The following SIL1 variants were observed in gnomAD, a reference collection of about 807,000 sequenced individuals.
SIL1 encodes the protein SIL1 nucleotide exchange factor, also known as nucleotide exchange factor SIL1.
SIL1 carries 40 observed loss-of-function variants against 49.1 expected under a neutral mutation model. That is an observed-to-expected ratio of 0.81 (90% confidence interval 0.63 to 1.06). SIL1 has a LOEUF of 1.06. Ranked by LOEUF, SIL1 falls within the 50% of genes least tolerant of loss-of-function variation. The pLI is 0.00. For missense variants in SIL1, 500 were observed against 572.6 expected (o/e 0.87, Z 1.29); for synonymous variants, 253 against 250.8 (o/e 1.01, Z -0.08).
chr5:139,119,907 G>C (rs972855008), intron 3 of SIL1, among the ~76,000 whole-genome samples: 1 of 152,236 alleles, frequency 6.6e-6, no homozygotes, highest in Non-Finnish European at 1.5e-5. Context: ...AGGTTGGCAA[G>C]GGGTGGGTGG....
chr5:139,039,414 A>G (rs1335224882), intron 5 of SIL1, among the ~76,000 whole-genome samples: 1 of 152,198 alleles, frequency 6.6e-6, no homozygotes, highest in Non-Finnish European at 1.5e-5. Context: ...CAGGTATTGT[A>G]AATAAGGTTT....
intron 7 of SIL1, among the ~76,000 whole-genome samples, chr5:139,002,377 T>A (rs746748245): frequency 3.0e-4 from 46 of 152,200 alleles, no homozygotes; most frequent in Non-Finnish European, 4.6e-4. Context: ...GTTTATTAAA[T>A]CTGGGTAGTG....
chr5:138,951,051 A>C, intron 9 of SIL1, 120 bp downstream of exon 9: 2 of 1,135,830 alleles, frequency 1.8e-6, no homozygotes, highest in Non-Finnish European at 2.6e-6. Flanking sequence ...CTGTCCATCC[A>C]TCCAGAAGCA....
At chr5:139,090,544 A>AT (rs1352900190) in intron 3 of SIL1, among the ~76,000 whole-genome samples, 2 of 152,354 alleles carry the variant, frequency 1.3e-5, no homozygotes, top group East Asian at 3.8e-4. Flanking sequence ...AGAAAAGAAC[A>AT]TTCAAAAACA....
intron 3 of SIL1, among the ~76,000 whole-genome samples, chr5:139,056,113 C>T (rs1256500047): frequency 2.8e-4 from 42 of 151,570 alleles, no homozygotes; most frequent in Middle Eastern, 6.8e-3. Flanking sequence ...AAGTGAGGAG[C>T]GTCTCTGCTT....
At chr5:138,963,619 CTTTG>C (rs1171485804) in intron 7 of SIL1, among the ~76,000 whole-genome samples, 15 of 152,332 alleles carry the variant, frequency 9.8e-5, no homozygotes, top group African/African-American at 3.6e-4. Context: ...CCAAAATATC[CTTTG>C]TTTGCTGAGG....
chr5:138,992,175 C>T lies in SIL1; in HGVS notation c.767+28996G>A, dbSNP rs577400630. On this transcript the variant is annotated intron_variant, in intron 7 of 9. Transcript: ENST00000394817. ...GAGACCTTGCCACAAATCCCACCTG[C>T]TCCCTCCCTATCATTACCTATATCC... 3.3e-5 allele frequency among the ~76,000 whole-genome samples: 5 copies of T among 152,324 alleles called. No individual in the cohort carries two copies. The South Asian group carries it at 1.0e-3, about 32-fold the overall frequency.
chr5:138,983,906 A>G (rs748902888), intron 7 of SIL1, among the ~76,000 whole-genome samples: 51 of 152,312 alleles, frequency 3.3e-4, no homozygotes, highest in Admixed American at 5.2e-4. Flanking sequence ...TACCCTGCCC[A>G]CAGCTCTGGG....
chr5:139,055,906 C>G (rs1253503993), intron 3 of SIL1, among the ~76,000 whole-genome samples: 1 of 152,036 alleles, frequency 6.6e-6, no homozygotes, highest in Non-Finnish European at 1.5e-5. Context: ...CTCCTAACCG[C>G]GAGTGATCCG....
At chr5:139,111,643 A>G (rs1770840566) in intron 3 of SIL1, among the ~76,000 whole-genome samples, 1 of 152,212 alleles carries the variant, frequency 6.6e-6, no homozygotes, top group African/African-American at 2.4e-5. Flanking sequence ...CAAATGGAAT[A>G]TGAAATGAAC....
At chr5:139,014,731 A>G (rs1023657952) in intron 7 of SIL1, among the ~76,000 whole-genome samples, 8 of 152,156 alleles carry the variant, frequency 5.3e-5, no homozygotes, top group Admixed American at 2.6e-4. Flanking sequence ...AGCTTAAGAG[A>G]GCTATGACTA....
intron 7 of SIL1, among the ~76,000 whole-genome samples, chr5:138,979,573 G>A (rs976324123): frequency 2.6e-5 from 4 of 152,028 alleles, no homozygotes; most frequent in East Asian, 1.9e-4. Flanking sequence ...GCGTGATCTC[G>A]ACTTACTGCA....
At chr5:138,975,256 A>G (rs923013351) in intron 7 of SIL1, among the ~76,000 whole-genome samples, 3 of 152,290 alleles carry the variant, frequency 2.0e-5, no homozygotes, top group African/African-American at 7.2e-5. Flanking sequence ...TGGAAGCACA[A>G]GCCACTGGCA....
intron 3 of SIL1, among the ~76,000 whole-genome samples, chr5:139,068,046 A>G (rs1370170198): frequency 6.6e-6 from 1 of 152,226 alleles, no homozygotes; most frequent in Non-Finnish European, 1.5e-5. Flanking sequence ...TGACATAAAC[A>G]AGATCACTAA....
intron 1 of SIL1, among the ~76,000 whole-genome samples, chr5:139,145,632 G>T (rs1166601852): frequency 2.7e-3 from 1 of 366 alleles, no homozygotes; most frequent in Non-Finnish European, 5.4e-3. Flanking sequence ...GTGGGGGCGT[G>T]TGTGTGTGTG....
intron 1 of SIL1, among the ~76,000 whole-genome samples, chr5:139,157,553 A>C (rs1409403279): frequency 3.3e-5 from 5 of 152,246 alleles, no homozygotes; most frequent in Admixed American, 1.3e-4. Context: ...TGGAATTAAC[A>C]AGCAAGCTAA....
At chr5:139,009,221 C>T (rs1426712021) in intron 7 of SIL1, among the ~76,000 whole-genome samples, 1 of 130,052 alleles carries the variant, frequency 7.7e-6, no homozygotes, top group Non-Finnish European at 1.6e-5. Flanking sequence ...ATGTAATGGC[C>T]TTCTTTGTCT....
At chr5:139,027,100 A>T in intron 5 of SIL1, 108 bp from the exon 6 acceptor site, 1 of 979,334 alleles carries the variant, frequency 1.0e-6, no homozygotes, top group Non-Finnish European at 1.6e-6. Flanking sequence ...TCCAAGACTC[A>T]CAGTCTTCTC....
intron 3 of SIL1, among the ~76,000 whole-genome samples, chr5:139,100,353 C>A (rs111753639): frequency 6.6e-4 from 100 of 152,188 alleles, no homozygotes; most frequent in African/African-American, 2.2e-3. Flanking sequence ...GTTTAGGGAA[C>A]AAGAGCAAGA....
Sources: gnomAD v4.1 joint callset for allele counts (sites outside exome capture counted in the v4.1 genomes callset) on GRCh38, gnomAD v4.1.1 for gene constraint, MANE v1.5 for transcripts, NCBI Gene and HGNC (gene_info 2026-07-23, HGNC 2026-07-21) for gene names.